HERC2: variants seen among roughly 807,000 people sequenced by gnomAD.
HERC2 encodes HECT and RLD domain containing E3 ubiquitin protein ligase 2, also known as E3 ubiquitin-protein ligase HERC2.
HERC2 carries 102 observed loss-of-function variants against 537.7 expected under a neutral mutation model. The ratio of observed to expected loss-of-function variants is 0.19; its 90% confidence interval spans 0.16 to 0.22. The LOEUF (loss-of-function observed/expected upper bound fraction) is 0.22, where lower values mean the gene tolerates loss of function less well. Among genes scored for constraint, HERC2 ranks in the 10% least tolerant of loss-of-function variants. The pLI is 1.00. For synonymous variants in HERC2, 2,224 were observed against 2,466.2 expected (o/e 0.90, Z 2.91); for missense variants, 4,236 against 6,198.2 (o/e 0.68, Z 10.63).
chr15:28,222,365 A>G (rs1315122235), intron 35 of HERC2, 150 bp from the exon 36 acceptor site: 2 of 547,704 alleles, frequency 3.7e-6, no homozygotes, highest in South Asian at 2.3e-5. Context: ...TGAATATTTT[A>G]CTGATATAGG....
Position 28,145,660 on chromosome 15 carries a change from C to G in HERC2, c.11008+577G>C, listed in dbSNP as rs184638535. ...ATGACAGAGGCTGCATTACCTGGCC[C>G]TTTACAGGAAACACTCGAGATGAAG... On this transcript the variant is annotated intron_variant, in intron 71 of 92. Transcript: ENST00000261609. Among the ~76,000 whole-genome samples the G allele has an allele frequency of 4.9e-4, 75 of 152,294 alleles. No homozygotes were observed. In the East Asian group the frequency reaches 9.6e-3, roughly 20 times the overall value.
chr15:28,114,563 G>T, intron 90 of HERC2, 49 bp downstream of exon 90: 1 of 1,553,162 alleles, frequency 6.4e-7, no homozygotes, highest in Non-Finnish European at 8.9e-7. Flanking sequence ...ACCACGTTCT[G>T]CTACTTTTGC....
intron 19 of HERC2, among the ~76,000 whole-genome samples, chr15:28,255,310 G>A (rs749984482): frequency 1.1e-4 from 17 of 151,994 alleles, no homozygotes; most frequent in Non-Finnish European, 2.4e-4. Context: ...ATCCAGCCTC[G>A]GTGACAGAGC....
chr15:28,310,169 G>A (rs764083154), intron 2 of HERC2, among the ~76,000 whole-genome samples: 2 of 152,242 alleles, frequency 1.3e-5, no homozygotes, highest in African/African-American at 4.8e-5. Context: ...CCAGAAAGCT[G>A]AGCATGGTGG....
chr15:28,265,711 T>C lies in HERC2; in HGVS notation c.1777A>G (p.Ile593Val). Residue 593 changes from isoleucine (I) to valine (V), a missense_variant, in exon 14 of 93, where the codon ATT (isoleucine) becomes GTT (valine). Transcript: ENST00000261609. This position sits in a 1 kb window ranked among gnomAD's most constrained non-coding sequence, Gnocchi z 4.0. The stretch of plus-strand genomic sequence containing the variant: ...TTAAGCCCGGCTACCAGCATCGGAA[T>C]GGCCTCGTCCTCACTGGAGCCTTCA... ...LGHGSSEDEA[I>V]PMLVAGLKGL... 1.9e-6 allele frequency: 3 copies of C among 1,614,216 alleles called. No homozygotes were observed. The highest frequency in any genetic ancestry group is 8.5e-7 in the Non-Finnish European group (1 of 1,180,032).
At chr15:28,210,126 T>A (rs940647180) in intron 44 of HERC2, among the ~76,000 whole-genome samples, 22 of 151,134 alleles carry the variant, frequency 1.5e-4, no homozygotes, top group African/African-American at 5.1e-4. Flanking sequence ...TATGCCCCAC[T>A]ATTTTTTTTT....
intron 16 of HERC2, among the ~76,000 whole-genome samples, chr15:28,259,131 G>A (rs548598080): frequency 6.6e-6 from 1 of 152,246 alleles, no homozygotes; most frequent in South Asian, 2.1e-4. Context: ...TTTCGCTCTT[G>A]TTGCCCAAGC....
intron 4 of HERC2, among the ~76,000 whole-genome samples, chr15:28,289,978 A>G (rs1035276228): frequency 2.1e-4 from 32 of 151,828 alleles, no homozygotes; most frequent in Non-Finnish European, 3.7e-4. Context: ...AGGACAACAC[A>G]CCTCAGTGAG....
chr15:28,217,023 C>T (rs1899988285), intron 38 of HERC2, among the ~76,000 whole-genome samples: 1 of 152,144 alleles, frequency 6.6e-6, no homozygotes, highest in South Asian at 2.1e-4. Flanking sequence ...CACACGCATT[C>T]ACAATAACAT....
Position 28,177,237 on chromosome 15 carries a change from C to A in HERC2, c.9255-110G>T. On this transcript the variant is annotated intron_variant, in intron 60 of 92. Transcript: ENST00000261609. The surrounding 1 kb of genome is among the most constrained non-coding windows in gnomAD (Gnocchi z 5.0). Reference sequence around the variant, plus strand: ...TGTAGTCAACACAGGATCCACAGATCAACTATCAAAACTTAAAGCAGAACC... The same window carrying A: ...TGTAGTCAACACAGGATCCACAGATAAACTATCAAAACTTAAAGCAGAACC... 7.8e-7 allele frequency: 1 copy of A among 1,286,802 alleles called. No homozygotes were observed. Among genetic ancestry groups the A allele is most frequent in the South Asian group, 1.4e-5 (1 of 69,944 alleles). 79.7% of individuals were successfully genotyped at this position (1,286,802 alleles called of 1,614,324 possible).
chr15:28,301,731 A>G (rs1480430764), intron 2 of HERC2, among the ~76,000 whole-genome samples: 23 of 21,578 alleles, frequency 1.1e-3, no homozygotes, highest in East Asian at 4.2e-3. Flanking sequence ...AGTTGTATGT[A>G]TGTGTATATA....
At chr15:28,169,200 TAATTC>T (rs1004269326) in intron 66 of HERC2, among the ~76,000 whole-genome samples, 6 of 152,260 alleles carry the variant, frequency 3.9e-5, no homozygotes, top group African/African-American at 1.4e-4. Context: ...TAGTATCACC[TAATTC>T]TTCTTTTCTT....
At chr15:28,151,884 C>A (rs1182930931) in intron 70 of HERC2, among the ~76,000 whole-genome samples, 2 of 152,126 alleles carry the variant, frequency 1.3e-5, no homozygotes, top group Non-Finnish European at 1.5e-5. Flanking sequence ...GCACCTTGAA[C>A]AACTAACTAC....
chr15:28,292,735 A>G (rs999203821), intron 4 of HERC2, among the ~76,000 whole-genome samples, 153 bp downstream of exon 4: 1 of 152,214 alleles, frequency 6.6e-6, no homozygotes, highest in East Asian at 1.9e-4. Context: ...TAAAACGGTA[A>G]GTTTTATGGT....
chr15:28,315,193 G>A (rs890144332), intron 2 of HERC2, among the ~76,000 whole-genome samples: 19 of 152,346 alleles, frequency 1.2e-4, no homozygotes, highest in Admixed American at 3.3e-4. Context: ...GAAAGAAAAA[G>A]GGGAGGAATA....
At chr15:28,139,665 A>G (rs1209214722) in intron 78 of HERC2, among the ~76,000 whole-genome samples, 1 of 152,192 alleles carries the variant, frequency 6.6e-6, no homozygotes, top group African/African-American at 2.4e-5. Context: ...ACTATCACAA[A>G]CACAAGCCAG....
chr15:28,195,989 A>G (rs1897313727), intron 52 of HERC2, among the ~76,000 whole-genome samples: 1 of 152,192 alleles, frequency 6.6e-6, no homozygotes. Context: ...AAAACAAGCA[A>G]ACAAGCCTAG....
intron 53 of HERC2, among the ~76,000 whole-genome samples, chr15:28,191,689 A>G (rs1384472731): frequency 6.6e-6 from 1 of 152,250 alleles, no homozygotes; most frequent in Non-Finnish European, 1.5e-5. Flanking sequence ...CATACATTCT[A>G]TGCAGGAGAG....
At chr15:28,295,866 C>T (rs529286148) in intron 3 of HERC2, among the ~76,000 whole-genome samples, 1 of 152,242 alleles carries the variant, frequency 6.6e-6, no homozygotes, top group South Asian at 2.1e-4. Context: ...TCTGGCACTA[C>T]AGCTGCAAGG....
Sources: gnomAD v4.1 joint callset for allele counts (sites outside exome capture counted in the v4.1 genomes callset) on GRCh38, gnomAD v4.1.1 for gene constraint, Gnocchi (gnomAD v3.1) non-coding constraint, MANE v1.5 for transcripts, NCBI Gene and HGNC (gene_info 2026-07-23, HGNC 2026-07-21) for gene names.